The following SLC22A3 variants were observed in gnomAD, a reference collection of about 807,000 sequenced individuals.
SLC22A3 encodes EMT organic cation transporter 3.
In SLC22A3, 51 loss-of-function variants were observed where a neutral mutation model predicts 59.1. The ratio of observed to expected loss-of-function variants is 0.86; its 90% confidence interval spans 0.69 to 1.09. SLC22A3 has a LOEUF of 1.09. SLC22A3 is among the 50% of genes least tolerant of loss of function. The pLI is 0.00. For synonymous variants in SLC22A3, 325 were observed against 292.0 expected (o/e 1.11, Z -1.15); for missense variants, 711 against 726.3 (o/e 0.98, Z 0.24).
At chr6:160,448,789 G>A (rs1788843962) in intron 10 of SLC22A3, among the ~76,000 whole-genome samples, 1 of 152,114 alleles carries the variant, frequency 6.6e-6, no homozygotes, top group Non-Finnish European at 1.5e-5. Context: ...CAAATGGGCT[G>A]GGAAGAGGGG....
chr6:160,387,243 G>A (rs1786058586), intron 1 of SLC22A3, among the ~76,000 whole-genome samples: 1 of 152,262 alleles, frequency 6.6e-6, no homozygotes, highest in Admixed American at 6.5e-5. Flanking sequence ...GTAGGTTTCA[G>A]GTTGGCAGAG....
chr6:160,447,455 C>T (rs543319945), intron 9 of SLC22A3, among the ~76,000 whole-genome samples: 2 of 152,330 alleles, frequency 1.3e-5, no homozygotes, highest in East Asian at 3.9e-4. Flanking sequence ...TAAGAAGGAA[C>T]TCAGTCAATC....
At chr6:160,425,474 A>C (rs1475931196) in intron 5 of SLC22A3, among the ~76,000 whole-genome samples, 1 of 152,168 alleles carries the variant, frequency 6.6e-6, no homozygotes, top group Non-Finnish European at 1.5e-5. Context: ...TGCATTCAAG[A>C]TGCCTTCTAT....
At chr6:160,368,356 C>T (rs1271906416) in intron 1 of SLC22A3, among the ~76,000 whole-genome samples, 1 of 152,156 alleles carries the variant, frequency 6.6e-6, no homozygotes, top group African/African-American at 2.4e-5. Flanking sequence ...GTGCTCTGGT[C>T]CCCACCCCTC....
At chr6:160,403,466 G>T (rs772379911) in intron 2 of SLC22A3, among the ~76,000 whole-genome samples, 2 of 151,830 alleles carry the variant, frequency 1.3e-5, no homozygotes, top group African/African-American at 2.4e-5. Flanking sequence ...TTTGCCAAAC[G>T]TTTAGAGAAG....
At chr6:160,413,073 G>A (rs2114865329) in intron 5 of SLC22A3, among the ~76,000 whole-genome samples, 1 of 152,136 alleles carries the variant, frequency 6.6e-6, no homozygotes, top group East Asian at 1.9e-4. Flanking sequence ...ATCTAGAAAG[G>A]AATATAGAAA....
At chr6:160,371,766 C>G (rs1785406481) in intron 1 of SLC22A3, among the ~76,000 whole-genome samples, 2 of 152,168 alleles carry the variant, frequency 1.3e-5, no homozygotes, top group Non-Finnish European at 2.9e-5. Flanking sequence ...ACACTGTCTT[C>G]CACAATGGTG....
chr6:160,377,479 CAA>C (rs113037123), intron 1 of SLC22A3, among the ~76,000 whole-genome samples: 17 of 135,176 alleles, frequency 1.3e-4, no homozygotes, highest in Admixed American at 1.5e-4. Flanking sequence ...GACTCTATTT[CAA>C]AAAAAAAAAA....
intron 7 of SLC22A3, among the ~76,000 whole-genome samples, chr6:160,441,302 C>A (rs57651207): frequency 1.3e-5 from 2 of 152,074 alleles, no homozygotes; most frequent in Admixed American, 6.6e-5. Context: ...TCCACTCCCC[C>A]CTTTTCTTGG....
intron 1 of SLC22A3, chr6:160,349,167 C>T (rs1254226596): frequency 1.4e-6 from 1 of 732,566 alleles, no homozygotes; most frequent in African/African-American, 1.9e-5. Context: ...GACCCAGCAC[C>T]GCGTTCCTTA....
chr6:160,388,745 T>C (rs1201213450), intron 1 of SLC22A3, among the ~76,000 whole-genome samples: 2 of 152,226 alleles, frequency 1.3e-5, no homozygotes, highest in African/African-American at 4.8e-5. Flanking sequence ...TTATTCACTA[T>C]TTTTATTTTC....
intron 1 of SLC22A3, among the ~76,000 whole-genome samples, chr6:160,375,616 T>G (rs1785561360): frequency 6.6e-6 from 1 of 152,208 alleles, no homozygotes; most frequent in Non-Finnish European, 1.5e-5. Context: ...GGCAAAAATA[T>G]GATGAAAGTA....
chr6:160,422,029 G>A (rs1787760220), intron 5 of SLC22A3, among the ~76,000 whole-genome samples: 1 of 152,224 alleles, frequency 6.6e-6, no homozygotes. Flanking sequence ...AACTTCCAGA[G>A]CTCTGCGCAG....
chr6:160,419,294 A>T (rs1279899229), intron 5 of SLC22A3, among the ~76,000 whole-genome samples: 2 of 152,234 alleles, frequency 1.3e-5, no homozygotes, highest in African/African-American at 2.4e-5. Flanking sequence ...AGCTTTGGGA[A>T]TATCTGTTTC....
At chr6:160,384,793 G>T (rs1785934382) in intron 1 of SLC22A3, among the ~76,000 whole-genome samples, 1 of 152,126 alleles carries the variant, frequency 6.6e-6, no homozygotes. Flanking sequence ...TCCCACCCAG[G>T]GGAAGCCATC....
At chr6:160,405,018 C>G (rs1167473185) in intron 2 of SLC22A3, among the ~76,000 whole-genome samples, 2 of 151,582 alleles carry the variant, frequency 1.3e-5, no homozygotes, top group South Asian at 2.1e-4. Flanking sequence ...ACACCAAAAG[C>G]ATAATCCATG....
chr6:160,366,812 C>T (rs904935752), intron 1 of SLC22A3, among the ~76,000 whole-genome samples: 7 of 152,202 alleles, frequency 4.6e-5, no homozygotes, highest in Non-Finnish European at 1.0e-4. Flanking sequence ...CTGAGACCTC[C>T]TCAGCCTGGA....
chr6:160,416,725 G>T (rs1264869599), intron 5 of SLC22A3, among the ~76,000 whole-genome samples: 2 of 152,160 alleles, frequency 1.3e-5, no homozygotes, highest in African/African-American at 2.4e-5. Context: ...TACTTGTAGT[G>T]CCCTGTTTCT....
intron 1 of SLC22A3, among the ~76,000 whole-genome samples, chr6:160,394,483 C>T (rs992422021): frequency 2.0e-5 from 3 of 152,254 alleles, no homozygotes; most frequent in Non-Finnish European, 4.4e-5. Context: ...GGTCTGCCCC[C>T]TGACTCTATG....
Sources: gnomAD v4.1 joint callset for allele counts (sites outside exome capture counted in the v4.1 genomes callset) on GRCh38, gnomAD v4.1.1 for gene constraint, MANE v1.5 for transcripts, NCBI Gene and HGNC (gene_info 2026-07-23, HGNC 2026-07-21) for gene names.